Variants in C3orf20 observed in about 807,000 individuals in gnomAD.
C3orf20 encodes uncharacterized protein C3orf20.
A neutral mutation model predicts 88.3 loss-of-function variants in C3orf20; 76 were observed. The observed-to-expected ratio is 0.86, with a 90% CI of 0.72 to 1.04. C3orf20 has a LOEUF of 1.04. C3orf20 is among the 50% of genes least tolerant of loss of function. The pLI, the probability that C3orf20 is intolerant of heterozygous loss-of-function variation, is 0.00. For missense variants in C3orf20, 1,056 were observed against 1,123.3 expected (o/e 0.94, Z 0.86); for synonymous variants, 436 against 437.4 (o/e 1.00, Z 0.04).
intron 5 of C3orf20, among the ~76,000 whole-genome samples, chr3:14,700,133 G>T (rs866877640): frequency 8.5e-5 from 13 of 152,138 alleles, no homozygotes; most frequent in African/African-American, 3.1e-4. Context: ...GATGGGGAAG[G>T]GTTGTGTCAG....
chr3:14,680,922 G>A, intron 1 of C3orf20, among the ~76,000 whole-genome samples: 1 of 152,210 alleles, frequency 6.6e-6, no homozygotes, highest in Non-Finnish European at 1.5e-5. Flanking sequence ...CAAAAACAAA[G>A]CTCTTTTTCC....
intron 12 of C3orf20, among the ~76,000 whole-genome samples, chr3:14,740,481 T>G (rs2034869353): frequency 6.6e-6 from 1 of 152,300 alleles, no homozygotes; most frequent in South Asian, 2.1e-4. Flanking sequence ...ATAATAAATT[T>G]TGAAATATTG....
chr3:14,713,206 TG>T (rs1243490601), intron 7 of C3orf20, among the ~76,000 whole-genome samples: 1 of 152,144 alleles, frequency 6.6e-6, no homozygotes, highest in African/African-American at 2.4e-5. Flanking sequence ...TCATCAAATT[TG>T]GGGAGTTTTC....
At chr3:14,722,022 A>G (rs73137418) in intron 10 of C3orf20, 161 of 481,488 alleles carry the variant, frequency 3.3e-4, no homozygotes, top group African/African-American at 2.6e-3. Flanking sequence ...TAGCTTAAGC[A>G]TGAAAAAAGA....
chr3:14,686,609 T>A (rs1278704985), intron 4 of C3orf20, among the ~76,000 whole-genome samples: 1 of 152,250 alleles, frequency 6.6e-6, no homozygotes, highest in Non-Finnish European at 1.5e-5. Flanking sequence ...TTTTGTCATA[T>A]ACCTATTGGC....
At chr3:14,751,940 C>G (rs997389812) in intron 12 of C3orf20, among the ~76,000 whole-genome samples, 3 of 152,192 alleles carry the variant, frequency 2.0e-5, no homozygotes, top group Non-Finnish European at 4.4e-5. Flanking sequence ...CTATCCCCAT[C>G]AAGCTACCAC....
chr3:14,686,280 A>G (rs2032428405), intron 4 of C3orf20, among the ~76,000 whole-genome samples: 1 of 152,066 alleles, frequency 6.6e-6, no homozygotes, highest in African/African-American at 2.4e-5. Context: ...CTATGTGAAT[A>G]ATACTGCAAT....
intron 13 of C3orf20, among the ~76,000 whole-genome samples, chr3:14,759,179 T>G (rs1315135826): frequency 5.9e-5 from 9 of 152,168 alleles, no homozygotes; most frequent in Non-Finnish European, 1.3e-4. Context: ...CTTTGGTGAA[T>G]GCAGAAATGT....
intron 12 of C3orf20, among the ~76,000 whole-genome samples, chr3:14,750,427 G>A (rs763792734): frequency 1.3e-5 from 2 of 152,004 alleles, no homozygotes; most frequent in Non-Finnish European, 2.9e-5. Context: ...GTAGTATCAC[G>A]TGCCTGTCAT....
chr3:14,723,111 G>A (rs946776346), intron 10 of C3orf20, among the ~76,000 whole-genome samples: 1 of 152,214 alleles, frequency 6.6e-6, no homozygotes, highest in African/African-American at 2.4e-5. Flanking sequence ...ATTGTAAATG[G>A]CACTATGTGT....
At chr3:14,733,632 G>A (rs892064269) in intron 12 of C3orf20, among the ~76,000 whole-genome samples, 1 of 150,976 alleles carries the variant, frequency 6.6e-6, no homozygotes, top group Non-Finnish European at 1.5e-5. Context: ...TGTTTATTTT[G>A]ATAAGTTGGA....
At chr3:14,743,744 C>T (rs916875748) in intron 12 of C3orf20, among the ~76,000 whole-genome samples, 6 of 152,066 alleles carry the variant, frequency 3.9e-5, no homozygotes, top group African/African-American at 1.5e-4. Context: ...TGCACCCACA[C>T]ACTCAACTCC....
intron 5 of C3orf20, among the ~76,000 whole-genome samples, chr3:14,700,333 A>G (rs1408028059): frequency 6.6e-6 from 1 of 151,522 alleles, no homozygotes; most frequent in Non-Finnish European, 1.5e-5. Context: ...ATCTTTCCCC[A>G]CTCCTCCACC....
At chr3:14,687,656 C>CA (rs1276599292) in intron 4 of C3orf20, among the ~76,000 whole-genome samples, 1 of 152,230 alleles carries the variant, frequency 6.6e-6, no homozygotes, top group Non-Finnish European at 1.5e-5. Flanking sequence ...TCGGGCCTGA[C>CA]ACCTGCCTGA....
rs1295200219 is a variant in C3orf20 at position 14,701,674 on chromosome 3, G to T, written c.746-1456G>T. Among the ~76,000 whole-genome samples, 1 of 152,182 alleles carries T rather than the reference G, an allele frequency of 6.6e-6. No individual in the cohort carries two copies. The highest frequency in any genetic ancestry group is 1.9e-4 in the East Asian group (1 of 5,196). On this transcript the variant is annotated intron_variant, in intron 5 of 16. Transcript: ENST00000253697. The surrounding 1 kb of genome is among the most constrained non-coding windows in gnomAD (Gnocchi z 4.6). ...TATGGCACTTGGGCTCCCTCGAGAA[G>T]ACCCAAGATTAGCCATCATCAGAGA... is the stretch of plus-strand genomic sequence containing the variant.
intron 1 of C3orf20, among the ~76,000 whole-genome samples, chr3:14,678,931 A>G (rs2031937180): frequency 6.6e-6 from 1 of 152,210 alleles, no homozygotes; most frequent in South Asian, 2.1e-4. Context: ...AAGGCCCTGC[A>G]AGATCTGATT....
chr3:14,710,267 G>A (rs2033687891), intron 7 of C3orf20, among the ~76,000 whole-genome samples: 1 of 151,408 alleles, frequency 6.6e-6, no homozygotes, highest in African/African-American at 2.4e-5. Context: ...CAGTCTACTA[G>A]AAGTTTGTGC....
intron 1 of C3orf20, among the ~76,000 whole-genome samples, chr3:14,676,157 A>G (rs1016999466): frequency 9.5e-6 from 1 of 105,230 alleles, no homozygotes; most frequent in Non-Finnish European, 1.9e-5. Flanking sequence ...TGAACAGAGC[A>G]CCTCCCCGCA....
In C3orf20 at chr3:14,714,144, A is replaced by G. The variant is rs779862184; in HGVS notation, c.1298A>G (p.Tyr433Cys). Residue 433 changes from tyrosine to cysteine, a missense_variant, in exon 8 of 17, where the codon TAC (tyrosine) becomes TGC (cysteine). Tyr to Cys is a radical substitution (Grantham distance 194, BLOSUM62 -2). Transcript: ENST00000253697. ...FNTEGQGCVH[Y>C]NLKTSCPYVL... ...ACTGAAGGCCAGGGCTGTGTTCACT[A>G]CAACCTAAAAACCAGGTAAGTGGAC... 20 of 1,613,742 alleles carry G rather than the reference A, an allele frequency of 1.2e-5. No individual in the cohort carries two copies. The highest frequency in any genetic ancestry group is 4.0e-5 in the African/African-American group (3 of 74,898).
Sources: gnomAD v4.1 joint callset for allele counts (sites outside exome capture counted in the v4.1 genomes callset) on GRCh38, gnomAD v4.1.1 for gene constraint, Gnocchi (gnomAD v3.1) non-coding constraint, MANE v1.5 for transcripts, NCBI Gene and HGNC (gene_info 2026-07-23, HGNC 2026-07-21) for gene names.